Variants in C5 observed in about 807,000 individuals in gnomAD.
C5 encodes the protein complement C5.
C5 carries 140 observed loss-of-function variants against 218.8 expected under a neutral mutation model. The observed-to-expected ratio is 0.64, with a 90% CI of 0.56 to 0.74. The LOEUF is 0.74. C5 is among the 30% of genes least tolerant of loss of function. The probability of loss-of-function intolerance (pLI) is 0.00; values close to 1 mark genes in which losing one functional copy is unlikely to be tolerated. For synonymous variants in C5, 614 were observed against 682.3 expected (o/e 0.90, Z 1.56); for missense variants, 1,700 against 1,969.6 (o/e 0.86, Z 2.59).
intron 28 of C5, chr9:120,979,684 T>G: frequency 3.7e-6 from 1 of 266,682 alleles, no homozygotes; most frequent in Non-Finnish European, 7.3e-6. Context: ...GCCCAGGCAT[T>G]TGAGATCATC....
Position 121,014,897 on chromosome 9 carries a change from A to G in C5, c.2059+302T>C, listed in dbSNP as rs994649970. The stretch of plus-strand genomic sequence containing the variant: ...TTTTGTCAGAATAAAATGGAAGGAT[A>G]TGATTTTAATTGCCAGATGAAGTTA... On this transcript the variant is annotated intron_variant, in intron 16 of 40. Transcript: ENST00000223642. Among the ~76,000 whole-genome samples, 6 of 152,174 alleles carry G rather than the reference A, an allele frequency of 3.9e-5. No individual in the cohort carries two copies. In the East Asian group the frequency reaches 1.2e-3, roughly 29 times the overall value.
chr9:120,963,778 G>T, intron 33 of C5, 40 bp from the exon 34 acceptor site: 1 of 1,441,896 alleles, frequency 6.9e-7, no homozygotes, highest in Non-Finnish European at 9.7e-7. Flanking sequence ...ATAAATAAGT[G>T]AATAAGAGTC....
At chr9:120,992,943 C>A (rs2047087690) in intron 22 of C5, among the ~76,000 whole-genome samples, 1 of 151,886 alleles carries the variant, frequency 6.6e-6, no homozygotes, top group African/African-American at 2.4e-5. Flanking sequence ...ACATCAGAGA[C>A]AAAATCAAGA....
intron 38 of C5, among the ~76,000 whole-genome samples, chr9:120,957,676 A>G (rs1188714442): frequency 6.6e-6 from 1 of 152,228 alleles, no homozygotes; most frequent in African/African-American, 2.4e-5. Context: ...TCAGAGGCTG[A>G]TCCTTTAAGA....
the C5 span, among the ~76,000 whole-genome samples, chr9:121,072,830 A>G: frequency 6.6e-6 from 1 of 151,260 alleles, no homozygotes; most frequent in African/African-American, 2.4e-5. Flanking sequence ...AAAAAAAAAA[A>G]AAGAAAAGAA....
At chr9:121,025,708 A>G (rs2047415987) in intron 8 of C5, 128 bp from the exon 9 acceptor site, 1 of 854,232 alleles carries the variant, frequency 1.2e-6, no homozygotes. Flanking sequence ...TGTCAAAAGT[A>G]AAGTAGATAA....
At chr9:120,981,979 G>A in intron 26 of C5, 40 bp from the exon 27 acceptor site, 1 of 1,360,600 alleles carries the variant, frequency 7.3e-7, no homozygotes, top group Non-Finnish European at 1.1e-6. Context: ...GTGAAATGGT[G>A]TCTTTAAGGC....
chr9:120,989,039 T>C lies in C5; in HGVS notation c.3230+7A>G. On this transcript the variant is annotated splice_region_variant and intron_variant, in intron 25 of 40. Coordinates refer to ENST00000223642, the MANE Select transcript of C5 (RefSeq NM_001735.3). ...TATGAAAATGCAACTCAAAATCTTC[T>C]ACTTACCAAGTGCTAGCACTTCCAC... 1.2e-6 allele frequency: 2 copies of C among 1,602,836 alleles called. No individual in the cohort carries two copies. The highest frequency in any genetic ancestry group is 1.7e-6 in the Non-Finnish European group (2 of 1,169,634).
In C5 at chr9:120,970,299, G is replaced by A. The variant is rs758997091; in HGVS notation, c.4081-48C>T. The A allele has an allele frequency of 3.9e-6, 5 of 1,283,278 alleles. No individual in the cohort carries two copies. The South Asian group carries it at 6.0e-5, about 15-fold the overall frequency. 79.5% of individuals were successfully genotyped at this position (1,283,278 alleles called of 1,614,324 possible). A position where few individuals can be genotyped will look rare whatever the true frequency, so the allele number is the denominator to read the frequency against. On this transcript the variant is annotated intron_variant, in intron 31 of 40. Transcript: ENST00000223642. ...AGAAGATTCTATTTAAAGTGGGAAA[G>A]TGACAAAGGTATTATGGCAACACTG...
intron 12 of C5, 23 bp from the exon 13 acceptor site, chr9:121,017,875 A>G: frequency 1.4e-6 from 2 of 1,434,148 alleles, no homozygotes; most frequent in Non-Finnish European, 2.0e-6. Flanking sequence ...AGCAGCAGCA[A>G]CAATAAGTAA....
the C5 span, among the ~76,000 whole-genome samples, chr9:121,057,131 T>C: frequency 6.6e-6 from 1 of 152,292 alleles, no homozygotes; most frequent in South Asian, 2.1e-4. Context: ...TCCAGCACAA[T>C]TATTTTTCAG....
chr9:121,026,739 C>T (rs1381972499), intron 8 of C5, among the ~76,000 whole-genome samples: 1 of 152,066 alleles, frequency 6.6e-6, no homozygotes, highest in Non-Finnish European at 1.5e-5. Context: ...GGCAGCTAAC[C>T]TAGTGTAGAA....
Position 120,980,274 on chromosome 9 carries a change from C to T in C5, c.3487-20G>A, listed in dbSNP as rs2046982467. The T allele has an allele frequency of 2.5e-6, 4 of 1,611,502 alleles. No individual in the cohort carries two copies. Among genetic ancestry groups the T allele is most frequent in the Non-Finnish European group, 2.5e-6 (3 of 1,177,672 alleles). On this transcript the variant is annotated intron_variant, in intron 27 of 40. Coordinates refer to ENST00000223642, the MANE Select transcript of C5 (RefSeq NM_001735.3). ...GATTTTCTGGAAACAAGAGAAGATA[C>T]TTCAGTTTCTATGTCAAGCAACCAC...
At chr9:121,044,270 T>A (rs948666059) in intron 2 of C5, among the ~76,000 whole-genome samples, 1 of 151,874 alleles carries the variant, frequency 6.6e-6, no homozygotes. Context: ...AGGTCAGGAG[T>A]TCGAGACCAT....
intron 10 of C5, among the ~76,000 whole-genome samples, chr9:121,021,943 C>T (rs901575534): frequency 2.0e-5 from 3 of 151,770 alleles, no homozygotes; most frequent in African/African-American, 7.3e-5. Context: ...ACCTCAGCCT[C>T]CCAAGTAGCT....
At chr9:121,040,934 C>T (rs928632626) in intron 3 of C5, among the ~76,000 whole-genome samples, 5 of 149,616 alleles carry the variant, frequency 3.3e-5, no homozygotes, top group Admixed American at 1.4e-4. Flanking sequence ...GATATTACAT[C>T]GTCTTCTTTT....
chr9:120,980,452 T>C (rs1395277642), intron 27 of C5, among the ~76,000 whole-genome samples, 198 bp from the exon 28 acceptor site: 1 of 152,124 alleles, frequency 6.6e-6, no homozygotes, highest in East Asian at 1.9e-4. Flanking sequence ...GAAGGGACAA[T>C]GAGGTTGTCC....
At position 120,976,699 on chromosome 9, in the gene C5, C is replaced by A; in HGVS notation, c.3864+1G>T. Reference sequence around the variant, plus strand: ...GATGAAACAAGACAAAGAAATGTTACCTGGGTTGAATAAAAGCCACCTCCA... The same window carrying A: ...GATGAAACAAGACAAAGAAATGTTAACTGGGTTGAATAAAAGCCACCTCCA... On this transcript the variant is annotated splice_donor_variant, in intron 29 of 40. Transcript: ENST00000223642. LOFTEE classifies it high-confidence loss of function. The A allele has an allele frequency of 6.2e-7, 1 of 1,612,384 alleles. No individual in the cohort carries two copies. Among genetic ancestry groups the A allele is most frequent in the Non-Finnish European group, 8.5e-7 (1 of 1,178,446 alleles).
At chr9:121,059,232 A>G in the C5 span, among the ~76,000 whole-genome samples, 1 of 148,996 alleles carries the variant, frequency 6.7e-6, no homozygotes, top group East Asian at 1.9e-4. The surrounding 1 kb of genome is among the most constrained non-coding windows in gnomAD (Gnocchi z 4.1). Flanking sequence ...ATTTCAGATA[A>G]GGAAGTAGGG....
Sources: allele counts gnomAD v4.1 joint callset (sites outside exome capture counted in the v4.1 genomes callset), GRCh38; gene constraint gnomAD v4.1.1; non-coding constraint Gnocchi (gnomAD v3.1); transcripts MANE v1.5; gene names NCBI Gene and HGNC (gene_info 2026-07-23, HGNC 2026-07-21).